The following FAM53A variants were observed in gnomAD, a reference collection of about 807,000 sequenced individuals.
FAM53A encodes protein FAM53A.
A neutral mutation model predicts 26.6 loss-of-function variants in FAM53A; 28 were observed. The ratio of observed to expected loss-of-function variants is 1.05; its 90% CI spans 0.78 to 1.45. The LOEUF (loss-of-function observed/expected upper bound fraction) is 1.45, where lower values mean the gene tolerates loss of function less well. FAM53A is among the 40% of genes most tolerant of loss of function. The pLI is 0.00. For synonymous variants in FAM53A, 290 were observed against 253.1 expected, an observed-to-expected ratio of 1.15 and a Z score of -1.38; for missense variants, 650 against 575.8, an observed-to-expected ratio of 1.13 and a Z score of -1.32.
chr4:1,607,131 G>T, the FAM53A span, among the ~76,000 whole-genome samples: 1 of 152,180 alleles, frequency 6.6e-6, no homozygotes, highest in African/African-American at 2.4e-5. Flanking sequence ...CGATTCTCCT[G>T]CCTCAGCCTC....
At chr4:1,642,300 C>G (rs572393440) in intron 4 of FAM53A, among the ~76,000 whole-genome samples, 1 of 152,206 alleles carries the variant, frequency 6.6e-6, no homozygotes, top group South Asian at 2.1e-4. Flanking sequence ...GGGCAAGGCC[C>G]GCCCTCATCC....
At chr4:1,598,182 G>A in the FAM53A span, among the ~76,000 whole-genome samples, 3 of 152,264 alleles carry the variant, frequency 2.0e-5, no homozygotes, top group Non-Finnish European at 4.4e-5. Flanking sequence ...CTCCGGCTGT[G>A]GGGAGGTAAG....
Position 1,646,624 on chromosome 4 carries a change from G to A in FAM53A, c.883-5017C>T, listed in dbSNP as rs1355882103. Among the ~76,000 whole-genome samples the A allele has an allele frequency of 4.6e-5, 7 of 152,258 alleles. No individual in the cohort carries two copies. The South Asian group carries it at 6.2e-4, about 14-fold the overall frequency. On this transcript the variant is annotated intron_variant, in intron 4 of 4. Coordinates refer to ENST00000308132, the MANE Select transcript of FAM53A (RefSeq NM_001174070.3). ...GCCTTGCGCTCTCGTGACTGAGGCCGCGGAAGGCACCATCTGCTCACTAAA... is the reference window on the plus strand; with the variant it reads ...GCCTTGCGCTCTCGTGACTGAGGCCACGGAAGGCACCATCTGCTCACTAAA...
intron 1 of FAM53A, among the ~76,000 whole-genome samples, chr4:1,673,301 C>T (rs1380874469): frequency 3.9e-5 from 6 of 152,192 alleles, no homozygotes; most frequent in African/African-American, 1.4e-4. Flanking sequence ...CAGCACCATG[C>T]CACACTGATG....
chr4:1,642,177 C>A (rs1711773941), intron 4 of FAM53A, among the ~76,000 whole-genome samples: 1 of 152,192 alleles, frequency 6.6e-6, no homozygotes, highest in Admixed American at 6.5e-5. Flanking sequence ...CAGCTCCCAC[C>A]TTCTCTGTCC....
In FAM53A at chr4:1,673,482, C is replaced by T. The variant is rs137864960; in HGVS notation, c.-164-4577G>A. 1.1e-3 allele frequency among the ~76,000 whole-genome samples: 161 copies of T among 152,284 alleles called. 1 individual carries two copies. The highest frequency in any genetic ancestry group is 3.6e-3 in the African/African-American group (149 of 41,554). The stretch of plus-strand genomic sequence containing the variant: ...GGCGCGGTGGCTCATGCCTGTAATC[C>T]CAGCACCTTGGGAGGCCGAGGAGGG... On this transcript the variant is annotated intron_variant, in intron 1 of 4. Coordinates refer to ENST00000308132, the MANE Select transcript of FAM53A (RefSeq NM_001174070.3).
At chr4:1,633,379 C>T (rs1392641781) in intron 1 of FAM53A, among the ~76,000 whole-genome samples, 5 of 152,150 alleles carry the variant, frequency 3.3e-5, no homozygotes, top group Middle Eastern at 3.4e-3. Flanking sequence ...CCTCAAGAGA[C>T]GATTTTATAA....
In FAM53A at chr4:1,641,141, G is replaced by A. The variant is rs1201446673; in HGVS notation, c.*152C>T. The A allele has an allele frequency of 1.1e-5, 7 of 611,910 alleles. No homozygotes were observed. The highest frequency in any genetic ancestry group is 4.5e-4 in the Middle Eastern group (1 of 2,224). The allele number at this position is 611,910 out of a possible 1,614,324, so 37.9% of individuals were successfully genotyped here. A position where few individuals can be genotyped will look rare whatever the true frequency, so the allele number is the denominator to read the frequency against. ...TCTGTGCCCCAGGGCAGGTGCCGGCGGCAGCCGTGGCCCCGACCAGCTCAC... is the reference window on the plus strand; with the variant it reads ...TCTGTGCCCCAGGGCAGGTGCCGGCAGCAGCCGTGGCCCCGACCAGCTCAC... On this transcript the variant is annotated 3_prime_UTR_variant, in exon 5 of 5. Coordinates refer to ENST00000308132, the MANE Select transcript of FAM53A (RefSeq NM_001174070.3).
intron 1 of FAM53A, among the ~76,000 whole-genome samples, chr4:1,678,480 G>C (rs1183679750): frequency 6.6e-6 from 1 of 152,194 alleles, no homozygotes; most frequent in Non-Finnish European, 1.5e-5. Context: ...ATAGAGAACA[G>C]AGAGTCTTTT....
chr4:1,661,814 C>G (rs1254134020), intron 2 of FAM53A, among the ~76,000 whole-genome samples: 1 of 152,124 alleles, frequency 6.6e-6, no homozygotes, highest in Non-Finnish European at 1.5e-5. Context: ...CTAAAAATCA[C>G]GTCATGATTT....
intron 1 of FAM53A, among the ~76,000 whole-genome samples, chr4:1,629,348 G>A (rs1715507360): frequency 6.6e-6 from 1 of 152,222 alleles, no homozygotes; most frequent in Non-Finnish European, 1.5e-5. Context: ...CGAAGCCTCA[G>A]GCCAGGCCAG....
At chr4:1,615,167 G>C (rs964087940), downstream of FAM53A, among the ~76,000 whole-genome samples, 1 of 151,020 alleles carries the variant, frequency 6.6e-6, no homozygotes, top group Non-Finnish European at 1.5e-5. Context: ...ACGGAAGACA[G>C]GATGCGGCTA....
intron 1 of FAM53A, among the ~76,000 whole-genome samples, chr4:1,629,385 G>A (rs1174407702): frequency 1.3e-5 from 2 of 152,208 alleles, no homozygotes; most frequent in African/African-American, 4.8e-5. Flanking sequence ...GCCCGCCAGG[G>A]AAAGCGGAGC....
chr4:1,629,262 G>A (rs923393312), intron 1 of FAM53A, among the ~76,000 whole-genome samples: 1 of 152,144 alleles, frequency 6.6e-6, no homozygotes, highest in African/African-American at 2.4e-5. Flanking sequence ...AGGGCCCACA[G>A]AGGGAGGCCG....
chr4:1,685,591 G>C (rs1222649265), upstream of FAM53A, among the ~76,000 whole-genome samples: 2 of 152,178 alleles, frequency 1.3e-5, no homozygotes, highest in Non-Finnish European at 2.9e-5. Flanking sequence ...GGTAAGGCTA[G>C]TCCGGTGCAG....
chr4:1,601,328 G>A, the FAM53A span, among the ~76,000 whole-genome samples: 24 of 114,036 alleles, frequency 2.1e-4, 8 homozygotes, highest in South Asian at 3.6e-3. Context: ...ACCAGGCAGC[G>A]GCCTCGCCCT....
At chr4:1,584,198 C>A in the FAM53A span, among the ~76,000 whole-genome samples, 1 of 152,200 alleles carries the variant, frequency 6.6e-6, no homozygotes, top group Admixed American at 6.5e-5. Flanking sequence ...CAAATCCATC[C>A]ATTTTTCATC....
At chr4:1,615,827 T>G (rs1405718761), downstream of FAM53A, among the ~76,000 whole-genome samples, 1 of 152,214 alleles carries the variant, frequency 6.6e-6, no homozygotes, top group Non-Finnish European at 1.5e-5. Context: ...CATCCACAGA[T>G]GAAGGACCAT....
chr4:1,655,900 C>G (rs543698056), intron 3 of FAM53A, among the ~76,000 whole-genome samples, 177 bp from the exon 4 acceptor site: 2 of 152,326 alleles, frequency 1.3e-5, no homozygotes, highest in African/African-American at 4.8e-5. Flanking sequence ...CCCGCCTGCC[C>G]TTGCTGGGTT....
Sources: gnomAD v4.1 joint callset for allele counts (sites outside exome capture counted in the v4.1 genomes callset) on GRCh38, gnomAD v4.1.1 for gene constraint, MANE v1.5 for transcripts, NCBI Gene and HGNC (gene_info 2026-07-23, HGNC 2026-07-21) for gene names.